The following UBA2 variants were observed in gnomAD, a reference collection of about 807,000 sequenced individuals.
The protein encoded by UBA2 is SUMO-activating enzyme subunit 2.
UBA2 carries 11 observed loss-of-function variants against 77.2 expected under a neutral mutation model. That is an observed-to-expected ratio of 0.14 (90% CI 0.09 to 0.24). UBA2 has a LOEUF of 0.24. Ranked by LOEUF, UBA2 falls within the 10% of genes least tolerant of loss-of-function variation. The pLI, the probability that UBA2 is intolerant of heterozygous loss-of-function variation, is 1.00. For missense variants in UBA2, 487 were observed against 781.7 expected (o/e 0.62, Z 4.50); for synonymous variants, 278 against 276.7 (o/e 1.00, Z -0.05).
In UBA2 at chr19:34,471,174, C is replaced by T. The variant is rs982500569; in HGVS notation, c.*1953C>T. 1.3e-5 allele frequency: 2 copies of T among 152,148 alleles called. No individual in the cohort carries two copies. The highest frequency in any genetic ancestry group is 4.8e-5 in the African/African-American group (2 of 41,436). The allele number at this position is 152,148 out of a possible 1,614,324, so 9.4% of individuals were successfully genotyped here. On this transcript the variant is annotated 3_prime_UTR_variant, in exon 17 of 17. Coordinates refer to ENST00000246548, the MANE Select transcript of UBA2 (RefSeq NM_005499.3). Reference sequence around the variant, plus strand: ...ACAGAAAGCCATTAAGCTGTTTCCCCTATTGTATTCATGTGCCCTTTGTGT... The same window carrying T: ...ACAGAAAGCCATTAAGCTGTTTCCCTTATTGTATTCATGTGCCCTTTGTGT...
intron 14 of UBA2, among the ~76,000 whole-genome samples, chr19:34,460,808 G>A (rs1462312899): frequency 6.6e-6 from 1 of 152,164 alleles, no homozygotes; most frequent in African/African-American, 2.4e-5. Flanking sequence ...CCTCCTTGCC[G>A]ATATCATGGA....
rs182579641 is a variant in UBA2, at chr19:34,450,183, A to G, written c.772-82A>G. The G allele has an allele frequency of 1.2e-4, 106 of 912,576 alleles. No homozygotes were observed. In the East Asian group the frequency reaches 2.5e-3, roughly 21 times the overall value. 56.5% of individuals were successfully genotyped at this position (912,576 alleles called of 1,614,324 possible). ...ATCTTTAAATCAGATTTCATAGTGT[A>G]ATATAGATCAGCAATGACGTTTTCT... On this transcript the variant is annotated intron_variant, in intron 8 of 16. Transcript: ENST00000246548.
intron 8 of UBA2, 45 bp from the exon 9 acceptor site, chr19:34,450,219 CA>C: frequency 3.7e-6 from 5 of 1,339,336 alleles, no homozygotes; most frequent in Non-Finnish European, 4.2e-6. Context: ...TGTATCTTAT[CA>C]ATTAGGGATT....
intron 6 of UBA2, among the ~76,000 whole-genome samples, chr19:34,443,441 C>CTT (rs35696396): frequency 0.38 from 49,968 of 132,054 alleles, 12,175 homozygotes; most frequent in Non-Finnish European, 0.53. Context: ...CCGTTATTCA[C>CTT]TTTTTTTTTT....
At chr19:34,440,967 T>C (rs2075362832) in intron 6 of UBA2, among the ~76,000 whole-genome samples, 1 of 150,198 alleles carries the variant, frequency 6.7e-6, no homozygotes, top group African/African-American at 2.5e-5. Context: ...TCTAGAATCA[T>C]ATAAAATAAA....
intron 5 of UBA2, among the ~76,000 whole-genome samples, chr19:34,438,069 CGT>C (rs2075329041): frequency 6.6e-6 from 1 of 151,932 alleles, no homozygotes; most frequent in Non-Finnish European, 1.5e-5. Context: ...CAAAAAGAAA[CGT>C]ATATCAATAA....
At chr19:34,435,190 G>A (rs1429115738) in intron 5 of UBA2, among the ~76,000 whole-genome samples, 1 of 152,152 alleles carries the variant, frequency 6.6e-6, no homozygotes, top group Non-Finnish European at 1.5e-5. Flanking sequence ...CTGAGGTCAG[G>A]AGTTTGAGAC....
chr19:34,442,319 G>T lies in UBA2; in HGVS notation c.582-1525G>T, dbSNP rs147372433. ...CCTAAATAAGCAATAAGCAAGTTATGTTTTAATCATAAGACTTACTTGGAA... is the reference window on the plus strand; with the variant it reads ...CCTAAATAAGCAATAAGCAAGTTATTTTTTAATCATAAGACTTACTTGGAA... On this transcript the variant is annotated intron_variant, in intron 6 of 16. Transcript: ENST00000246548. 2.6e-3 allele frequency among the ~76,000 whole-genome samples: 394 copies of T among 152,280 alleles called. 1 individual carries two copies. The highest frequency in any genetic ancestry group is 5.2e-3 in the South Asian group (25 of 4,830).
chr19:34,449,028 G>T (rs2075462653), intron 8 of UBA2, among the ~76,000 whole-genome samples: 1 of 151,028 alleles, frequency 6.6e-6, no homozygotes, highest in South Asian at 2.1e-4. Context: ...GCTGTCATAA[G>T]GAGACTCTTT....
At chr19:34,439,206 CA>C (rs34519506) in intron 6 of UBA2, among the ~76,000 whole-genome samples, 19,760 of 86,996 alleles carry the variant, frequency 0.23, 1,475 homozygotes, top group Middle Eastern at 0.36. Flanking sequence ...GAATTTGTCT[CA>C]AAAAAAAAAA....
intron 6 of UBA2, among the ~76,000 whole-genome samples, chr19:34,441,331 T>C (rs1418611422): frequency 6.6e-6 from 1 of 151,972 alleles, no homozygotes; most frequent in Admixed American, 6.6e-5. Flanking sequence ...GGTGGGTGCC[T>C]GTAGTCCCAG....
intron 15 of UBA2, among the ~76,000 whole-genome samples, chr19:34,466,115 C>T (rs2075684811): frequency 1.3e-5 from 2 of 151,732 alleles, no homozygotes; most frequent in Admixed American, 6.6e-5. Context: ...GCGGGCGGAT[C>T]ACAGGCTCAG....
intron 14 of UBA2, among the ~76,000 whole-genome samples, chr19:34,461,363 A>G (rs2075629621): frequency 6.6e-6 from 1 of 152,126 alleles, no homozygotes; most frequent in East Asian, 1.9e-4. Context: ...TTTAGTGTCA[A>G]GGTTCTTCTT....
chr19:34,454,792 G>A (rs564220407), intron 12 of UBA2, among the ~76,000 whole-genome samples: 5 of 152,106 alleles, frequency 3.3e-5, no homozygotes, highest in African/African-American at 4.8e-5. Context: ...TGAATTCTTC[G>A]AAGAATTCAT....
intron 8 of UBA2, among the ~76,000 whole-genome samples, chr19:34,448,728 A>G (rs368776373): frequency 3.5e-4 from 53 of 152,276 alleles, no homozygotes; most frequent in African/African-American, 1.2e-3. Flanking sequence ...TTTGTAGATA[A>G]GTAGAGAGGT....
intron 8 of UBA2, among the ~76,000 whole-genome samples, chr19:34,449,588 G>A (rs965473003): frequency 6.6e-6 from 1 of 152,266 alleles, no homozygotes; most frequent in Non-Finnish European, 1.5e-5. Context: ...AATAGAAAAT[G>A]CAGATAAGGA....
intron 9 of UBA2, among the ~76,000 whole-genome samples, chr19:34,450,742 CTTTTT>C (rs59580124): frequency 1.2e-5 from 1 of 83,400 alleles, no homozygotes; most frequent in African/African-American, 5.2e-5. Context: ...TTATGTATAT[CTTTTT>C]TTTTTTTTTT....
rs369048863 is a variant in UBA2, at chr19:34,441,811, C to T, written c.582-2033C>T. 2.0e-5 allele frequency among the ~76,000 whole-genome samples: 3 copies of T among 151,878 alleles called. No homozygotes were observed. The East Asian group carries it at 5.8e-4, about 30-fold the overall frequency. ...TGGCACACGCCTGTAGTCCCACCTA[C>T]TCGGGAGGCTGAGCCATGAGAGCCG... On this transcript the variant is annotated intron_variant, in intron 6 of 16. Coordinates refer to ENST00000246548, the MANE Select transcript of UBA2 (RefSeq NM_005499.3).
chr19:34,432,278 C>T (rs1237118670), intron 3 of UBA2, among the ~76,000 whole-genome samples: 1 of 152,034 alleles, frequency 6.6e-6, no homozygotes, highest in East Asian at 1.9e-4. Flanking sequence ...TTAAAAGTTT[C>T]CCTCCCAAAA....
Sources: gnomAD v4.1 joint callset for allele counts (sites outside exome capture counted in the v4.1 genomes callset) on GRCh38, gnomAD v4.1.1 for gene constraint, MANE v1.5 for transcripts, NCBI Gene and HGNC (gene_info 2026-07-23, HGNC 2026-07-21) for gene names.